ARMH3: variants seen among roughly 807,000 people sequenced by gnomAD.
ARMH3 encodes the protein armadillo-like helical domain-containing protein 3.
Under a neutral mutation model 99.1 loss-of-function variants are expected in ARMH3, and 60 were observed. The ratio of observed to expected loss-of-function variants is 0.61; its 90% confidence interval spans 0.49 to 0.75. ARMH3 has a LOEUF of 0.75. Ranked by LOEUF, ARMH3 falls within the 30% of genes least tolerant of loss-of-function variation. The probability of loss-of-function intolerance (pLI) is 0.00; values close to 1 mark genes in which losing one functional copy is unlikely to be tolerated. For missense variants in ARMH3, 679 were observed against 843.1 expected, an observed-to-expected ratio of 0.81 and a Z score of 2.41; for synonymous variants, 285 against 292.8, an observed-to-expected ratio of 0.97 and a Z score of 0.27.
chr10:102,033,236 G>A (rs1463352042), intron 3 of ARMH3, 47 bp downstream of exon 3: 1 of 1,613,070 alleles, frequency 6.2e-7, no homozygotes, highest in South Asian at 1.1e-5. Flanking sequence ...TATATGAGAA[G>A]GCAATTTTAG....
chr10:101,920,514 G>A lies in ARMH3; in HGVS notation c.1781+19349C>T, dbSNP rs1260647235. ...TGGTGATGAGAGGGGCCAGCGAGGG[G>A]ACAAGCACAGAGAGAAAAACGAGAC... On this transcript the variant is annotated intron_variant, in intron 23 of 25. Transcript: ENST00000370033. Among the ~76,000 whole-genome samples the A allele has an allele frequency of 3.9e-5, 6 of 152,080 alleles. No homozygotes were observed. In the East Asian group the frequency reaches 1.2e-3, roughly 29 times the overall value.
At chr10:101,932,883 A>G (rs1418498970) in intron 23 of ARMH3, among the ~76,000 whole-genome samples, 1 of 152,214 alleles carries the variant, frequency 6.6e-6, no homozygotes, top group Non-Finnish European at 1.5e-5. Context: ...ATTAAACTGT[A>G]CACTTAAAAA....
intron 22 of ARMH3, among the ~76,000 whole-genome samples, chr10:101,955,703 C>G (rs1844999890): frequency 6.6e-6 from 1 of 152,138 alleles, no homozygotes; most frequent in African/African-American, 2.4e-5. Context: ...TCTACAGTGA[C>G]AGAGGCAAAT....
At chr10:101,873,113 A>G (rs1367203352) in intron 24 of ARMH3, among the ~76,000 whole-genome samples, 1 of 151,926 alleles carries the variant, frequency 6.6e-6, no homozygotes, top group Admixed American at 6.6e-5. Context: ...TTTTGAAAAC[A>G]GCGTGGCAGG....
At chr10:101,908,664 CTTT>C (rs373262667) in intron 23 of ARMH3, among the ~76,000 whole-genome samples, 8 of 137,330 alleles carry the variant, frequency 5.8e-5, no homozygotes, top group Admixed American at 2.2e-4. Context: ...TTTTCTTTTT[CTTT>C]TTTTTTTTTT....
At chr10:102,031,033 C>T (rs954167537) in intron 4 of ARMH3, among the ~76,000 whole-genome samples, 15 of 151,978 alleles carry the variant, frequency 9.9e-5, no homozygotes, top group Admixed American at 9.8e-4. Flanking sequence ...ATCTGCCCCC[C>T]TCAGCCTCCC....
chr10:101,940,729 T>C (rs1259522979), intron 22 of ARMH3, among the ~76,000 whole-genome samples: 1 of 152,144 alleles, frequency 6.6e-6, no homozygotes, highest in Non-Finnish European at 1.5e-5. Flanking sequence ...ACTTAACTGT[T>C]TGACCTGCAA....
intron 15 of ARMH3, among the ~76,000 whole-genome samples, chr10:101,997,754 T>A (rs1480079006): frequency 6.6e-6 from 1 of 152,156 alleles, no homozygotes; most frequent in Non-Finnish European, 1.5e-5. Context: ...TTTATTATAG[T>A]TATTATAAAC....
chr10:101,978,990 TA>T (rs1846125482), intron 19 of ARMH3, among the ~76,000 whole-genome samples: 1 of 151,254 alleles, frequency 6.6e-6, no homozygotes, highest in Non-Finnish European at 1.5e-5. Flanking sequence ...AATAAAAATT[TA>T]AAAATAGCTG....
chr10:101,951,936 T>A (rs1590074055), intron 22 of ARMH3, among the ~76,000 whole-genome samples: 1 of 143,872 alleles, frequency 7.0e-6, no homozygotes, highest in Non-Finnish European at 1.5e-5. Context: ...GGGCGGAGGA[T>A]GAGGAGGAGG....
intron 23 of ARMH3, among the ~76,000 whole-genome samples, chr10:101,933,218 T>G (rs935453893): frequency 6.6e-6 from 1 of 152,148 alleles, no homozygotes; most frequent in Non-Finnish European, 1.5e-5. Context: ...ATGGTAAATT[T>G]TATGTTATGT....
chr10:101,960,889 C>CAAAAA (rs36000408), intron 20 of ARMH3, among the ~76,000 whole-genome samples: 2 of 74,580 alleles, frequency 2.7e-5, no homozygotes, highest in Admixed American at 2.8e-4. Context: ...AACTCCGTCT[C>CAAAAA]AAAAAAAAAA....
At chr10:102,051,271 G>A (rs910446684) in intron 1 of ARMH3, among the ~76,000 whole-genome samples, 1 of 151,510 alleles carries the variant, frequency 6.6e-6, no homozygotes. Flanking sequence ...TCAAGAGTTC[G>A]AGACCAGCCT....
chr10:102,043,058 G>A (rs2067461419), intron 1 of ARMH3, among the ~76,000 whole-genome samples: 1 of 152,190 alleles, frequency 6.6e-6, no homozygotes, highest in Admixed American at 6.5e-5. Flanking sequence ...GGCAACAAGA[G>A]TGAAACTCCA....
intron 19 of ARMH3, among the ~76,000 whole-genome samples, chr10:101,986,673 G>C (rs1008735179): frequency 5.3e-5 from 8 of 152,256 alleles, no homozygotes; most frequent in Admixed American, 4.6e-4. Flanking sequence ...CTGCCGAAAA[G>C]GGGTACATAA....
At chr10:102,054,434 G>C (rs570012267) in intron 1 of ARMH3, among the ~76,000 whole-genome samples, 55 of 150,832 alleles carry the variant, frequency 3.6e-4, no homozygotes, top group African/African-American at 1.3e-3. Flanking sequence ...ATACCTAAAA[G>C]TCCAATGAAA....
intron 19 of ARMH3, among the ~76,000 whole-genome samples, chr10:101,977,819 C>G (rs1458971606): frequency 6.6e-6 from 1 of 152,242 alleles, no homozygotes; most frequent in Non-Finnish European, 1.5e-5. Context: ...CTTGCACCAC[C>G]TTGGGACTCT....
At chr10:101,868,073 G>A (rs2067046566) in intron 24 of ARMH3, among the ~76,000 whole-genome samples, 1 of 152,030 alleles carries the variant, frequency 6.6e-6, no homozygotes. Flanking sequence ...TGTTGTGCAT[G>A]ACTTCACAGG....
intron 13 of ARMH3, 70 bp from the exon 14 acceptor site, chr10:102,006,703 C>A: frequency 7.1e-7 from 1 of 1,399,406 alleles, no homozygotes; most frequent in Admixed American, 1.7e-5. Flanking sequence ...GTGCCTAATA[C>A]CAATAAGGAC....
Sources: gnomAD v4.1 joint callset for allele counts (sites outside exome capture counted in the v4.1 genomes callset) on GRCh38, gnomAD v4.1.1 for gene constraint, MANE v1.5 for transcripts, NCBI Gene and HGNC (gene_info 2026-07-23, HGNC 2026-07-21) for gene names.